ZNF777: variants seen among roughly 807,000 people sequenced by gnomAD.
The protein encoded by ZNF777 is zinc finger protein 777.
In ZNF777, 7 loss-of-function variants were observed where a neutral mutation model predicts 72.1. The ratio of observed to expected loss-of-function variants is 0.10; its 90% CI spans 0.06 to 0.18. ZNF777 has a LOEUF of 0.18. Among genes scored for constraint, ZNF777 ranks in the 10% least tolerant of loss-of-function variants. The pLI is 1.00. For synonymous variants in ZNF777, 545 were observed against 483.5 expected, an observed-to-expected ratio of 1.13 and a Z score of -1.67; for missense variants, 828 against 1,128.6, an observed-to-expected ratio of 0.73 and a Z score of 3.82.
At position 149,455,683 on chromosome 7, in the gene ZNF777, C is replaced by G; in HGVS notation, c.340G>C (p.Glu114Gln). 1 of 1,566,902 alleles carries G rather than the reference C, an allele frequency of 6.4e-7. No individual in the cohort carries two copies. The highest frequency in any genetic ancestry group is 8.6e-7 in the Non-Finnish European group (1 of 1,157,350). The change falls in exon 2 of 6, where the codon GAA becomes CAA. Residue 114 changes from glutamate to glutamine, a missense_variant. Physicochemically the swap from Glu to Gln is conservative, Grantham distance 29. This residue lies in a region of ZNF777 where 222 missense variants were observed against 211.2 expected (regional missense o/e 1.05). Coordinates refer to ENST00000247930, the MANE Select transcript of ZNF777 (RefSeq NM_015694.3). This position sits in a 1 kb window ranked among gnomAD's most constrained non-coding sequence, Gnocchi z 4.2. ...QYPPPAAAEQ[E>Q]VSLLSHSPHH... ...GGGGAGTGGGAGAGAAGGGAGACTT[C>G]TTGTTCAGCAGCAGCTGGGGGTGGA...
intron 1 of ZNF777, among the ~76,000 whole-genome samples, chr7:149,459,169 G>T (rs531607916): frequency 6.6e-5 from 10 of 152,102 alleles, no homozygotes; most frequent in African/African-American, 2.4e-4. Context: ...ATGCTTTTTA[G>T]AAAGCTATAT....
chr7:149,432,180 G>A lies in ZNF777; in HGVS notation c.2092C>T (p.Leu698=), dbSNP rs752175537. ...GKHEVSFICS[L]CGKSFSRPSH... ...GGGCGGCTGAAGCTCTTGCCGCACA[G>A]GCTGCAGATGAAGGAGACCTCATGC... Residue 698 remains leucine, a synonymous_variant, in exon 6 of 6, where the codon CTG becomes TTG. Coordinates refer to ENST00000247930, the MANE Select transcript of ZNF777 (RefSeq NM_015694.3). The A allele has an allele frequency of 6.2e-7, 1 of 1,604,330 alleles. No homozygotes were observed. The highest frequency in any genetic ancestry group is 1.7e-5 in the Admixed American group (1 of 59,936).
At chr7:149,447,805 C>T (rs796696844) in intron 4 of ZNF777, among the ~76,000 whole-genome samples, 11 of 152,308 alleles carry the variant, frequency 7.2e-5, no homozygotes, top group African/African-American at 2.6e-4. Context: ...TCGTGTGTCT[C>T]GCAGCCCTGG....
chr7:149,433,583 C>T (rs745577962), intron 5 of ZNF777, among the ~76,000 whole-genome samples: 41 of 152,198 alleles, frequency 2.7e-4, no homozygotes, highest in Non-Finnish European at 4.1e-4. Flanking sequence ...CTCTCCTCTC[C>T]ATGTCTGCCT....
Position 149,460,118 on chromosome 7 carries a change from C to G in ZNF777, c.-16+697G>C, listed in dbSNP as rs1327779482. The G allele has an allele frequency of 1.0e-6, 1 of 981,742 alleles. No individual in the cohort carries two copies. The highest frequency in any genetic ancestry group is 1.2e-6 in the Non-Finnish European group (1 of 828,602). The allele number at this position is 981,742 out of a possible 1,614,324, so 60.8% of individuals were successfully genotyped here. A position where few individuals can be genotyped will look rare whatever the true frequency, so the allele number is the denominator to read the frequency against. Reference sequence around the variant, plus strand: ...CGCGTCCGTGCGCGCGCGGGCCGCCCTCACAGGAGCCGGGGCCGCCTCGGC... The same window carrying G: ...CGCGTCCGTGCGCGCGCGGGCCGCCGTCACAGGAGCCGGGGCCGCCTCGGC... On this transcript the variant is annotated intron_variant, in intron 1 of 5. Transcript: ENST00000247930. The surrounding 1 kb of genome is among the most constrained non-coding windows in gnomAD (Gnocchi z 6.1).
intron 4 of ZNF777, among the ~76,000 whole-genome samples, chr7:149,437,910 C>T (rs150948141): frequency 3.4e-5 from 5 of 147,884 alleles, no homozygotes; most frequent in East Asian, 4.0e-4. Context: ...GACGGAGTCT[C>T]GCTCTGTTGC....
chr7:149,434,772 G>C (rs2116569650), intron 5 of ZNF777, among the ~76,000 whole-genome samples: 1 of 152,110 alleles, frequency 6.6e-6, no homozygotes, highest in African/African-American at 2.4e-5. Flanking sequence ...TAGTAGAGAT[G>C]GGGTTTCACC....
At chr7:149,446,251 C>T (rs1351563053) in intron 4 of ZNF777, among the ~76,000 whole-genome samples, 2 of 152,160 alleles carry the variant, frequency 1.3e-5, no homozygotes, top group Non-Finnish European at 2.9e-5. Context: ...TGGCACATGC[C>T]TGAAATCCCA....
Position 149,459,712 on chromosome 7 carries a change from T to A in ZNF777, c.-16+1103A>T, listed in dbSNP as rs972235941. The A allele has an allele frequency of 4.1e-6, 4 of 984,978 alleles. No homozygotes were observed. The African/African-American group carries it at 7.0e-5, about 17-fold the overall frequency. 61.0% of individuals were successfully genotyped at this position (984,978 alleles called of 1,614,324 possible). A position where few individuals can be genotyped will look rare whatever the true frequency, so the allele number is the denominator to read the frequency against. On this transcript the variant is annotated intron_variant, in intron 1 of 5. Transcript: ENST00000247930. ...TCGCCGCCAGGTGTCTGTGCCTCAG[T>A]GTCTCCGTTCTGCGAAATGGGAGAG... is the stretch of plus-strand genomic sequence containing the variant.
rs186705786 is a variant in ZNF777, at chr7:149,456,028, G to C, written c.-6C>G. On this transcript the variant is annotated 5_prime_UTR_variant, in exon 2 of 6. Coordinates refer to ENST00000247930, the MANE Select transcript of ZNF777 (RefSeq NM_015694.3). ...GATGAGCGTTGGTTCTCCATGTCCA[G>C]CTGCTGAACCTGTGTTCATGGAAGA... 1.2e-5 allele frequency: 18 copies of C among 1,560,068 alleles called. No homozygotes were observed. The East Asian group carries it at 2.5e-4, about 22-fold the overall frequency.
intron 5 of ZNF777, among the ~76,000 whole-genome samples, chr7:149,435,436 G>T (rs1012292915): frequency 6.6e-5 from 10 of 152,112 alleles, no homozygotes; most frequent in African/African-American, 2.4e-4. Context: ...TTCCCAAAGT[G>T]CTGGGATTAC....
intron 4 of ZNF777, among the ~76,000 whole-genome samples, chr7:149,437,811 T>C (rs1313642995): frequency 2.7e-5 from 4 of 150,394 alleles, no homozygotes; most frequent in African/African-American, 4.9e-5. Context: ...TTTTCTTTTT[T>C]TTTTTTTTTT....
intron 4 of ZNF777, among the ~76,000 whole-genome samples, chr7:149,439,684 C>G (rs1799474460): frequency 6.6e-6 from 1 of 152,196 alleles, no homozygotes; most frequent in South Asian, 2.1e-4. Flanking sequence ...TTACTGATCA[C>G]TTCCTCTGCC....
chr7:149,460,506 C>T lies in ZNF777; in HGVS notation c.-16+309G>A, dbSNP rs1271509655. On this transcript the variant is annotated intron_variant, in intron 1 of 5. Coordinates refer to ENST00000247930, the MANE Select transcript of ZNF777 (RefSeq NM_015694.3). The surrounding 1 kb of genome is among the most constrained non-coding windows in gnomAD (Gnocchi z 6.1). ...GCGGCTGGGACCCCAGCTCCGGCCC[C>T]GGCCCCGGCTGCGAGCTGCGCTGCC... Among the ~76,000 whole-genome samples, 1 of 150,566 alleles carries T rather than the reference C, an allele frequency of 6.6e-6. No homozygotes were observed. The highest frequency in any genetic ancestry group is 1.5e-5 in the Non-Finnish European group (1 of 67,558).
At chr7:149,447,246 G>A (rs1799620713) in intron 4 of ZNF777, among the ~76,000 whole-genome samples, 3 of 152,122 alleles carry the variant, frequency 2.0e-5, no homozygotes, top group Admixed American at 2.0e-4. Flanking sequence ...CCCCTCTACA[G>A]ACTGAGCAAC....
Position 149,455,638 on chromosome 7 carries a change from CG to C in ZNF777, c.384del (p.Val129PhefsTer12), listed in dbSNP as rs1563240774. 6.9e-7 allele frequency: 1 copy of C among 1,457,406 alleles called. No homozygotes were observed. The allele number at this position is 1,457,406 out of a possible 1,614,324, so 90.3% of individuals were successfully genotyped here. A position where few individuals can be genotyped will look rare whatever the true frequency, so the allele number is the denominator to read the frequency against. On this transcript the variant is annotated frameshift_variant, in exon 2 of 6. Transcript: ENST00000247930. LOFTEE classifies it high-confidence loss of function. This position sits in a 1 kb window ranked among gnomAD's most constrained non-coding sequence, Gnocchi z 4.2. ...LSHSPHHQEA[P>X]VHSPEAPEKD... is the part of the protein sequence containing the mutation. ...TTCTCAGGAGCTTCAGGGGAGTGAA[CG>C]GGGGCTTCCTGGTGGTGGGGGGAGT...
intron 4 of ZNF777, among the ~76,000 whole-genome samples, chr7:149,446,537 T>C (rs564971042): frequency 7.2e-5 from 11 of 152,314 alleles, no homozygotes; most frequent in Admixed American, 1.3e-4. Context: ...TAGAGAAATA[T>C]GGCTTTGGTA....
rs1326369083 is a variant in ZNF777 at position 149,431,567 on chromosome 7, C to T, written c.*209G>A. 3 of 505,496 alleles carry T rather than the reference C, an allele frequency of 5.9e-6. No individual in the cohort carries two copies. The highest frequency in any genetic ancestry group is 1.1e-5 in the Non-Finnish European group (3 of 280,348). 31.3% of individuals were successfully genotyped at this position (505,496 alleles called of 1,614,324 possible). The stretch of plus-strand genomic sequence containing the variant: ...AAAGGGTTCCCCAGGTCCGCGCCCT[C>T]CCCCCTGGGGCCCCCGGGGAAACGC... On this transcript the variant is annotated 3_prime_UTR_variant, in exon 6 of 6. Transcript: ENST00000247930.
chr7:149,449,788 T>C (rs1378870274), intron 4 of ZNF777, among the ~76,000 whole-genome samples: 1 of 152,170 alleles, frequency 6.6e-6, no homozygotes, highest in Non-Finnish European at 1.5e-5. Flanking sequence ...CTCTTTTCTG[T>C]CTGCAGGAAG....
Sources: allele counts gnomAD v4.1 joint callset (sites outside exome capture counted in the v4.1 genomes callset), GRCh38; gene constraint gnomAD v4.1.1; regional missense constraint gnomAD v4.1.1; non-coding constraint Gnocchi (gnomAD v3.1); transcripts MANE v1.5; gene names NCBI Gene and HGNC (gene_info 2026-07-23, HGNC 2026-07-21).